The following CNTNAP2 variants were observed in gnomAD, a reference collection of about 807,000 sequenced individuals.
The protein encoded by CNTNAP2 is contactin associated protein 2.
Under a neutral mutation model 155.2 loss-of-function variants are expected in CNTNAP2, and 98 were observed. That is an observed-to-expected ratio of 0.63 (90% CI 0.54 to 0.75). The LOEUF is 0.75. CNTNAP2 is among the 30% of genes least tolerant of loss of function. The pLI is 0.00. For missense variants in CNTNAP2, 1,727 were observed against 1,688.1 expected (o/e 1.02, Z -0.40); for synonymous variants, 651 against 631.2 (o/e 1.03, Z -0.47).
chr7:147,390,283 T>A (rs1796688631), intron 9 of CNTNAP2, among the ~76,000 whole-genome samples: 1 of 152,024 alleles, frequency 6.6e-6, no homozygotes, highest in South Asian at 2.1e-4. Flanking sequence ...GATTTGAGAT[T>A]ATAATAGCAG....
chr7:147,356,913 T>A (rs138830939), intron 9 of CNTNAP2, among the ~76,000 whole-genome samples: 1 of 152,240 alleles, frequency 6.6e-6, no homozygotes, highest in African/African-American at 2.4e-5. Flanking sequence ...GGAACCAAAC[T>A]GAGATCAAAT....
intron 8 of CNTNAP2, among the ~76,000 whole-genome samples, chr7:147,135,943 A>C (rs562949565): frequency 1.3e-5 from 2 of 151,744 alleles, no homozygotes; most frequent in South Asian, 4.2e-4. Flanking sequence ...ATATTGGAAA[A>C]CTAAATTTGT....
At chr7:148,355,913 G>A (rs895646403) in intron 21 of CNTNAP2, among the ~76,000 whole-genome samples, 6 of 152,170 alleles carry the variant, frequency 3.9e-5, no homozygotes, top group South Asian at 2.1e-4. Flanking sequence ...GAGAGCCAGC[G>A]CTGCGTATTG....
chr7:146,859,307 C>G (rs770086326), intron 3 of CNTNAP2, among the ~76,000 whole-genome samples: 1 of 152,126 alleles, frequency 6.6e-6, no homozygotes, highest in African/African-American at 2.4e-5. Flanking sequence ...TATGCATTAG[C>G]CCCTATAGTT....
intron 1 of CNTNAP2, among the ~76,000 whole-genome samples, chr7:146,474,391 CTTATT>C (rs963785099): frequency 4.7e-5 from 7 of 148,786 alleles, no homozygotes; most frequent in Non-Finnish European, 7.4e-5. Context: ...AGAATCCCTT[CTTATT>C]TTATTTATTT....
At chr7:147,597,865 C>G (rs1800855216) in intron 12 of CNTNAP2, among the ~76,000 whole-genome samples, 1 of 152,176 alleles carries the variant, frequency 6.6e-6, no homozygotes, top group Non-Finnish European at 1.5e-5. Context: ...AGGTTCTTTG[C>G]TAGCCACCCA....
chr7:147,630,569 C>G (rs576115174), intron 12 of CNTNAP2, among the ~76,000 whole-genome samples: 17 of 152,132 alleles, frequency 1.1e-4, no homozygotes, highest in African/African-American at 4.1e-4. Context: ...ATGCAAAAAT[C>G]CTCAACAAAA....
chr7:146,501,517 T>G (rs1007234371), intron 1 of CNTNAP2, among the ~76,000 whole-genome samples: 10 of 152,218 alleles, frequency 6.6e-5, no homozygotes, highest in Non-Finnish European at 1.3e-4. Flanking sequence ...GTTTATATTA[T>G]TCCTTTGTAA....
intron 1 of CNTNAP2, among the ~76,000 whole-genome samples, chr7:146,289,704 A>C (rs1196417323): frequency 6.6e-6 from 1 of 152,214 alleles, no homozygotes; most frequent in African/African-American, 2.4e-5. Context: ...CTCTTTTATC[A>C]GAACAAAGAA....
chr7:146,961,372 C>G (rs1797556072), intron 3 of CNTNAP2, among the ~76,000 whole-genome samples: 2 of 152,110 alleles, frequency 1.3e-5, no homozygotes, highest in African/African-American at 4.8e-5. Flanking sequence ...CTTGGGTCTA[C>G]CTATGTGAAG....
At chr7:146,727,672 G>A (rs1159416872) in intron 1 of CNTNAP2, among the ~76,000 whole-genome samples, 2 of 152,238 alleles carry the variant, frequency 1.3e-5, no homozygotes, top group Admixed American at 6.5e-5. Flanking sequence ...TTTTCAGGCC[G>A]TTTTGGTATT....
chr7:148,296,097 C>G (rs1041706574), intron 21 of CNTNAP2, among the ~76,000 whole-genome samples: 1 of 152,158 alleles, frequency 6.6e-6, no homozygotes, highest in South Asian at 2.1e-4. Context: ...TAGAAAACAG[C>G]ATTTACAATG....
At chr7:148,359,106 G>A (rs553253424) in intron 21 of CNTNAP2, among the ~76,000 whole-genome samples, 7 of 152,288 alleles carry the variant, frequency 4.6e-5, no homozygotes, top group South Asian at 2.1e-4. Flanking sequence ...CTACCATTGC[G>A]TTACAATTGC....
At chr7:146,353,461 G>T (rs959605952) in intron 1 of CNTNAP2, among the ~76,000 whole-genome samples, 24 of 152,106 alleles carry the variant, frequency 1.6e-4, no homozygotes, top group African/African-American at 5.8e-4. Flanking sequence ...TACATTCATG[G>T]ATTGCATAGT....
chr7:147,534,076 C>T (rs763279915), intron 11 of CNTNAP2, among the ~76,000 whole-genome samples: 3 of 152,200 alleles, frequency 2.0e-5, no homozygotes, highest in Non-Finnish European at 4.4e-5. Flanking sequence ...CATGGAGGCT[C>T]AACCTGATTT....
chr7:147,560,843 G>T (rs1331366551), intron 11 of CNTNAP2, among the ~76,000 whole-genome samples: 2 of 148,670 alleles, frequency 1.3e-5, no homozygotes, highest in Non-Finnish European at 3.0e-5. Context: ...AGAGTTGAAG[G>T]TCTAACATCC....
intron 1 of CNTNAP2, among the ~76,000 whole-genome samples, chr7:146,459,320 C>T (rs2129124116): frequency 6.6e-6 from 1 of 152,182 alleles, no homozygotes; most frequent in Admixed American, 6.5e-5. Context: ...TACGAATTTC[C>T]ACATGCTGTT....
chr7:148,013,519 A>G (rs78452143), intron 15 of CNTNAP2, among the ~76,000 whole-genome samples: 6,054 of 152,300 alleles, frequency 0.04, 250 homozygotes, highest in East Asian at 0.24. Flanking sequence ...TTATTTTATG[A>G]TCTCTCTGTT....
chr7:148,040,043 A>T (rs538626989), intron 15 of CNTNAP2, among the ~76,000 whole-genome samples: 6 of 152,306 alleles, frequency 3.9e-5, no homozygotes, highest in African/African-American at 1.4e-4. Context: ...AACCTTATAT[A>T]AATTAGAACT....
Sources: gnomAD v4.1 joint callset for allele counts (sites outside exome capture counted in the v4.1 genomes callset) on GRCh38, gnomAD v4.1.1 for gene constraint, MANE v1.5 for transcripts, NCBI Gene and HGNC (gene_info 2026-07-23, HGNC 2026-07-21) for gene names.